Variants in CLYBL observed in about 807,000 individuals in gnomAD.
CLYBL encodes citramalyl-CoA lyase.
In CLYBL, 31 loss-of-function variants were observed where a neutral mutation model predicts 38.9. The ratio of observed to expected loss-of-function variants is 0.80; its 90% CI spans 0.60 to 1.08. CLYBL has a LOEUF of 1.08. Ranked by LOEUF, CLYBL falls within the 50% of genes least tolerant of loss-of-function variation. The probability of loss-of-function intolerance (pLI) is 0.00; values close to 1 mark genes in which losing one functional copy is unlikely to be tolerated. For missense variants in CLYBL, 434 were observed against 411.6 expected, an observed-to-expected ratio of 1.05 and a Z score of -0.47; for synonymous variants, 171 against 158.6, an observed-to-expected ratio of 1.08 and a Z score of -0.59.
intron 1 of CLYBL, among the ~76,000 whole-genome samples, chr13:99,665,682 C>T (rs17576929): frequency 0.021 from 3,220 of 151,952 alleles, 46 homozygotes; most frequent in Non-Finnish European, 0.034. Flanking sequence ...AGAATCGAAT[C>T]GAGCTTAATT....
Position 99,770,080 on chromosome 13 carries a change from C to CT in CLYBL, c.63-2727dup, listed in dbSNP as rs3033589. On this transcript the variant is annotated intron_variant, in intron 1 of 8. Coordinates refer to ENST00000339105, the MANE Select transcript of CLYBL (RefSeq NM_206808.5). The stretch of plus-strand genomic sequence containing the variant: ...ACTTTTCTTTCTTTTTCTTTTCTTT[C>CT]TTTTTTTTTTTTTTTTTGAGATGGA... 8.8e-3 allele frequency among the ~76,000 whole-genome samples: 911 copies of CT among 103,156 alleles called. 15 individuals are homozygous for CT. Among genetic ancestry groups the CT allele is most frequent in the East Asian group, 0.011 (35 of 3,084 alleles). 67.7% of individuals were successfully genotyped at this position (103,156 alleles called of 152,430 possible).
chr13:99,699,027 G>A (rs1042075771), intron 1 of CLYBL, among the ~76,000 whole-genome samples: 10 of 152,082 alleles, frequency 6.6e-5, no homozygotes, highest in Non-Finnish European at 1.0e-4. Flanking sequence ...GTCATTTTTC[G>A]GAGTAAGATT....
intron 1 of CLYBL, among the ~76,000 whole-genome samples, chr13:99,676,178 CTCCG>C (rs147767966): frequency 0.018 from 2,419 of 136,754 alleles, 77 homozygotes; most frequent in African/African-American, 0.063. Flanking sequence ...CCTTCCTTCC[CTCCG>C]TCCGTCCTTC....
intron 1 of CLYBL, among the ~76,000 whole-genome samples, chr13:99,703,024 T>C (rs2048092582): frequency 6.6e-6 from 1 of 152,256 alleles, no homozygotes; most frequent in Non-Finnish European, 1.5e-5. Flanking sequence ...CTATATTCAT[T>C]GTCCTAGACT....
chr13:99,843,951 A>C (rs987300933), intron 2 of CLYBL, among the ~76,000 whole-genome samples: 1 of 152,218 alleles, frequency 6.6e-6, no homozygotes, highest in African/African-American at 2.4e-5. Context: ...ATGCAATAGA[A>C]TACTTGGAAG....
intron 2 of CLYBL, among the ~76,000 whole-genome samples, chr13:99,783,169 A>G (rs967796815): frequency 6.6e-6 from 1 of 151,636 alleles, no homozygotes; most frequent in African/African-American, 2.4e-5. Context: ...AGGCCTCCCA[A>G]GTAGCTGGGA....
intron 1 of CLYBL, among the ~76,000 whole-genome samples, chr13:99,649,654 C>T (rs763952070): frequency 4.0e-5 from 6 of 150,542 alleles, no homozygotes; most frequent in South Asian, 2.1e-4. Context: ...CTGCTTGAGC[C>T]GGGAGCATGA....
intron 1 of CLYBL, among the ~76,000 whole-genome samples, chr13:99,678,187 G>A (rs531971091): frequency 6.6e-6 from 1 of 152,260 alleles, no homozygotes; most frequent in South Asian, 2.1e-4. Flanking sequence ...TTAACCATAC[G>A]GCTGAACATT....
At chr13:99,763,679 C>T (rs528131206) in intron 1 of CLYBL, among the ~76,000 whole-genome samples, 68 of 151,838 alleles carry the variant, frequency 4.5e-4, no homozygotes, top group Non-Finnish European at 7.4e-4. Flanking sequence ...CTAAGCCTCC[C>T]GAATAGCTGG....
At chr13:99,770,057 T>A (rs552805144) in intron 1 of CLYBL, among the ~76,000 whole-genome samples, 242 of 150,844 alleles carry the variant, frequency 1.6e-3, no homozygotes, top group Middle Eastern at 3.4e-3. Context: ...GGGTTTTAAC[T>A]TTTCTTTCTT....
At chr13:99,662,902 C>G (rs2047430025) in intron 1 of CLYBL, among the ~76,000 whole-genome samples, 1 of 152,178 alleles carries the variant, frequency 6.6e-6, no homozygotes, top group Admixed American at 6.5e-5. Flanking sequence ...GGCCACTGTT[C>G]AAGGACTTCA....
intron 2 of CLYBL, among the ~76,000 whole-genome samples, chr13:99,774,919 T>A (rs2049479781): frequency 6.6e-6 from 1 of 152,246 alleles, no homozygotes; most frequent in Non-Finnish European, 1.5e-5. Context: ...TAACTTGTAA[T>A]TCCAGTTCTG....
chr13:99,771,996 C>T (rs77713697), intron 1 of CLYBL, among the ~76,000 whole-genome samples: 1 of 152,214 alleles, frequency 6.6e-6, no homozygotes, highest in Non-Finnish European at 1.5e-5. Context: ...GTCCTTCCTA[C>T]TCACTTAAAA....
At chr13:99,816,686 G>T (rs771491131) in intron 2 of CLYBL, among the ~76,000 whole-genome samples, 1 of 152,228 alleles carries the variant, frequency 6.6e-6, no homozygotes, top group Admixed American at 6.5e-5. Context: ...CAGTGAGAAA[G>T]TTCCATCTAT....
At chr13:99,659,205 T>C (rs2047374167) in intron 1 of CLYBL, among the ~76,000 whole-genome samples, 1 of 145,284 alleles carries the variant, frequency 6.9e-6, no homozygotes, top group African/African-American at 2.8e-5. Flanking sequence ...CTAAGCTATG[T>C]GTGTGTGTGT....
intron 2 of CLYBL, among the ~76,000 whole-genome samples, chr13:99,785,754 C>G (rs1005583398): frequency 2.0e-5 from 3 of 152,016 alleles, no homozygotes; most frequent in Non-Finnish European, 4.4e-5. Context: ...CAGCACCACA[C>G]CTGGCTAATT....
At chr13:99,658,621 GGT>G (rs2047365241) in intron 1 of CLYBL, among the ~76,000 whole-genome samples, 1 of 152,168 alleles carries the variant, frequency 6.6e-6, no homozygotes, top group Admixed American at 6.5e-5. Flanking sequence ...AGCGGGGCGG[GGT>G]GTGGACAGGA....
At chr13:99,662,685 A>G (rs2047427007) in intron 1 of CLYBL, among the ~76,000 whole-genome samples, 1 of 152,098 alleles carries the variant, frequency 6.6e-6, no homozygotes, top group Non-Finnish European at 1.5e-5. Flanking sequence ...TTCCTTTGCT[A>G]CTGTCCAATT....
At chr13:99,666,291 G>A (rs972381399) in intron 1 of CLYBL, among the ~76,000 whole-genome samples, 4 of 152,170 alleles carry the variant, frequency 2.6e-5, no homozygotes, top group African/African-American at 9.7e-5. Context: ...CTGCCAAGAA[G>A]CTTAGATCTC....
Sources: gnomAD v4.1 joint callset for allele counts (sites outside exome capture counted in the v4.1 genomes callset) on GRCh38, gnomAD v4.1.1 for gene constraint, MANE v1.5 for transcripts, NCBI Gene and HGNC (gene_info 2026-07-23, HGNC 2026-07-21) for gene names.